Variants in TOLLIP observed in about 807,000 individuals in gnomAD.
The protein encoded by TOLLIP is toll-interacting protein.
In TOLLIP, 16 loss-of-function variants were observed where a neutral mutation model predicts 33.5. The observed-to-expected ratio is 0.48, with a 90% CI of 0.32 to 0.72. The LOEUF (loss-of-function observed/expected upper bound fraction) is 0.72. Ranked by LOEUF, TOLLIP falls within the 30% of genes least tolerant of loss-of-function variation. TOLLIP has a pLI of 0.03. For missense variants in TOLLIP, 325 were observed against 396.6 expected, an observed-to-expected ratio of 0.82 and a Z score of 1.53; for synonymous variants, 176 against 163.7, an observed-to-expected ratio of 1.07 and a Z score of -0.57.
At chr11:1,297,680 G>A (rs1315240710) in intron 1 of TOLLIP, among the ~76,000 whole-genome samples, 38 of 152,270 alleles carry the variant, frequency 2.5e-4, no homozygotes, top group South Asian at 4.1e-4. Flanking sequence ...CTTCACCTCC[G>A]GAGGGTGTGG....
chr11:1,286,985 G>C (rs148529381), intron 4 of TOLLIP, among the ~76,000 whole-genome samples: 8 of 144,544 alleles, frequency 5.5e-5, no homozygotes, highest in Non-Finnish European at 1.2e-4. Context: ...ACTGCACCGC[G>C]GTTGTCTCTG....
chr11:1,293,331 G>C (rs1311337734), intron 2 of TOLLIP, among the ~76,000 whole-genome samples: 1 of 152,254 alleles, frequency 6.6e-6, no homozygotes, highest in Non-Finnish European at 1.5e-5. Flanking sequence ...GGGTGGAGCT[G>C]AGTGGTCGGC....
chr11:1,275,803 A>G lies in TOLLIP; in HGVS notation c.*1236T>C, dbSNP rs1863279110. ...AACTTCCTCCTTCTGCATCTTCCAC[A>G]GAAGACCCACTTGTGGGCATTCTCT... is the stretch of plus-strand genomic sequence containing the variant. On this transcript the variant is annotated 3_prime_UTR_variant, in exon 6 of 6. Coordinates refer to ENST00000317204, the MANE Select transcript of TOLLIP (RefSeq NM_019009.4). 1 of 152,218 alleles carries G rather than the reference A, an allele frequency of 6.6e-6. No individual in the cohort carries two copies. Among genetic ancestry groups the G allele is most frequent in the Non-Finnish European group, 1.5e-5 (1 of 68,044 alleles). The allele number at this position is 152,218 out of a possible 1,614,324, so 9.4% of individuals were successfully genotyped here. A position where few individuals can be genotyped will look rare whatever the true frequency, so the allele number is the denominator to read the frequency against.
intron 1 of TOLLIP, among the ~76,000 whole-genome samples, chr11:1,309,180 G>A (rs896040458): frequency 5.3e-5 from 8 of 152,150 alleles, no homozygotes; most frequent in African/African-American, 1.9e-4. Flanking sequence ...CCTCCATCTG[G>A]GGCTCACAAC....
At position 1,277,228 on chromosome 11, in the gene TOLLIP, G is replaced by A; in HGVS notation, c.636C>T (p.Gly212=). ...CCGGGGGCAGGGCCACGGGCACCAT[G>A]CCGGGGCTACAGACAGCGGGCATCC... ...ITGMPAVCSP[G]MVPVALPPAA... The change falls in exon 6 of 6, where the codon GGC becomes GGT. Residue 212 remains glycine, a synonymous_variant. Transcript: ENST00000317204. This position sits in a 1 kb window ranked among gnomAD's most constrained non-coding sequence, Gnocchi z 4.2. 3 of 1,581,532 alleles carry A rather than the reference G, an allele frequency of 1.9e-6. No homozygotes were observed. The highest frequency in any genetic ancestry group is 1.3e-5 in the African/African-American group (1 of 74,234).
chr11:1,288,665 C>A lies in TOLLIP; in HGVS notation c.478G>T (p.Asp160Tyr). The part of the protein sequence containing the change: ...KWYSLSGRQG[D>Y]DKEGMINLVM... ...AGGTTGATCATGCCCTCCTTGTCGT[C>A]CCCCTGCCTCCCGCTCAGGCTGTAC... is the stretch of plus-strand genomic sequence containing the variant. The change falls in exon 4 of 6, where the codon GAC (aspartate) becomes TAC (tyrosine). Residue 160 changes from aspartate (D) to tyrosine (Y), a missense_variant. Physicochemically the swap from Asp to Tyr is radical, Grantham distance 160 (BLOSUM62 -3). Coordinates refer to ENST00000317204, the MANE Select transcript of TOLLIP (RefSeq NM_019009.4). 1 of 1,612,806 alleles carries A rather than the reference C, an allele frequency of 6.2e-7. No homozygotes were observed. The highest frequency in any genetic ancestry group is 1.3e-5 in the African/African-American group (1 of 75,068).
In TOLLIP at chr11:1,290,043, G is replaced by A; in HGVS notation, c.366+184C>T. The A allele has an allele frequency of 3.3e-6, 2 of 611,932 alleles. No homozygotes were observed. Among genetic ancestry groups the A allele is most frequent in the East Asian group, 2.8e-5 (1 of 35,980 alleles). 37.9% of individuals were successfully genotyped at this position (611,932 alleles called of 1,614,324 possible). A position where few individuals can be genotyped will look rare whatever the true frequency, so the allele number is the denominator to read the frequency against. Reference sequence around the variant, plus strand: ...CAAATGTAAGTATGTTCAAGGAGCTGGAAACAATCCCTTTTTCACATTCCT... The same window carrying A: ...CAAATGTAAGTATGTTCAAGGAGCTAGAAACAATCCCTTTTTCACATTCCT... On this transcript the variant is annotated intron_variant, in intron 3 of 5. Transcript: ENST00000317204. The surrounding 1 kb of genome is among the most constrained non-coding windows in gnomAD (Gnocchi z 4.9).
intron 4 of TOLLIP, 102 bp downstream of exon 4, chr11:1,288,522 A>G: frequency 2.2e-6 from 3 of 1,383,466 alleles, no homozygotes; most frequent in African/African-American, 1.4e-5. Flanking sequence ...TTATGGGCTC[A>G]GTGCCTCCAG....
chr11:1,297,312 G>C (rs1412924703), intron 1 of TOLLIP, among the ~76,000 whole-genome samples: 2 of 152,316 alleles, frequency 1.3e-5, no homozygotes, highest in East Asian at 3.9e-4. Context: ...CTGGGCGCCT[G>C]GCACTTCAAA....
chr11:1,285,584 C>T (rs1863664648), intron 5 of TOLLIP, among the ~76,000 whole-genome samples: 1 of 152,318 alleles, frequency 6.6e-6, no homozygotes, highest in Non-Finnish European at 1.5e-5. Context: ...GGTTCAGACA[C>T]AACGGCGCAG....
chr11:1,280,160 C>T (rs1481174366), intron 5 of TOLLIP, among the ~76,000 whole-genome samples: 2 of 152,248 alleles, frequency 1.3e-5, no homozygotes, highest in Admixed American at 6.5e-5. Context: ...GGAACCATTT[C>T]GTATTTTAAA....
intron 4 of TOLLIP, among the ~76,000 whole-genome samples, chr11:1,288,103 T>C (rs1323898441): frequency 6.6e-6 from 1 of 152,090 alleles, no homozygotes; most frequent in Non-Finnish European, 1.5e-5. Flanking sequence ...GCCAGGGCGC[T>C]GACGTGCTGG....
In TOLLIP at chr11:1,287,414, C is replaced by A. The variant is rs1474872661; in HGVS notation, c.519+1210G>T. ...GCTGCTGCCTCCCCGCCGCAGCCTCCCCGCCGCACCCTCCCCGCCGCAGCC... is the reference window on the plus strand; with the variant it reads ...GCTGCTGCCTCCCCGCCGCAGCCTCACCGCCGCACCCTCCCCGCCGCAGCC... On this transcript the variant is annotated intron_variant, in intron 4 of 5. Transcript: ENST00000317204. Among the ~76,000 whole-genome samples the A allele has an allele frequency of 3.1e-5, 4 of 130,234 alleles. 1 individual carries two copies. The highest frequency in any genetic ancestry group is 6.9e-5 in the Non-Finnish European group (4 of 57,988). 85.4% of individuals were successfully genotyped at this position (130,234 alleles called of 152,430 possible). A position where few individuals can be genotyped will look rare whatever the true frequency, so the allele number is the denominator to read the frequency against.
chr11:1,281,449 T>C (rs567389275), intron 5 of TOLLIP, among the ~76,000 whole-genome samples: 28 of 152,020 alleles, frequency 1.8e-4, no homozygotes, highest in Non-Finnish European at 2.9e-4. Context: ...GCACTCTCCA[T>C]AGAGGTGGCA....
intron 1 of TOLLIP, among the ~76,000 whole-genome samples, chr11:1,298,997 G>A (rs1864190904): frequency 6.6e-6 from 1 of 152,228 alleles, no homozygotes; most frequent in South Asian, 2.1e-4. Flanking sequence ...GACAGCAGGG[G>A]ACAGTCATCG....
chr11:1,295,903 A>G, intron 1 of TOLLIP, 109 bp from the exon 2 acceptor site: 5 of 1,370,024 alleles, frequency 3.6e-6, no homozygotes, highest in Non-Finnish European at 3.9e-6. Flanking sequence ...CCATGTCCTT[A>G]TCAAGTCCTG....
intron 1 of TOLLIP, among the ~76,000 whole-genome samples, 160 bp downstream of exon 1, chr11:1,309,306 T>C (rs868360510): frequency 3.3e-5 from 5 of 151,100 alleles, no homozygotes; most frequent in African/African-American, 1.2e-4. Flanking sequence ...CCCCGAGGTG[T>C]GGACGCCGCC....
chr11:1,288,729 G>T lies in TOLLIP; in HGVS notation c.414C>A (p.Ile138=). ...DDRIAWTHIT[I]PESLRQGKVE... ...CCTTGCCCTGCCTCAGGGACTCCGG[G>T]ATGGTGATGTGGGTCCAGGCAATGC... Residue 138 remains isoleucine (I), a synonymous_variant, in exon 4 of 6, where the codon ATC becomes ATA. Transcript: ENST00000317204. The T allele has an allele frequency of 6.2e-7, 1 of 1,612,904 alleles. No homozygotes were observed. The highest frequency in any genetic ancestry group is 1.1e-5 in the South Asian group (1 of 91,082).
chr11:1,287,302 C>G (rs2133895860), intron 4 of TOLLIP, among the ~76,000 whole-genome samples: 1 of 152,328 alleles, frequency 6.6e-6, no homozygotes, highest in East Asian at 1.9e-4. Context: ...CACATCGTCA[C>G]TCACGGCCGG....
Sources: allele counts gnomAD v4.1 joint callset (sites outside exome capture counted in the v4.1 genomes callset), GRCh38; gene constraint gnomAD v4.1.1; non-coding constraint Gnocchi (gnomAD v3.1); transcripts MANE v1.5; gene names NCBI Gene and HGNC (gene_info 2026-07-23, HGNC 2026-07-21).